Variants in C19orf47 observed in about 807,000 individuals in gnomAD.
C19orf47 encodes the protein chromosome 19 open reading frame 47.
A neutral mutation model predicts 32.3 loss-of-function variants in C19orf47; 18 were observed. The ratio of observed to expected loss-of-function variants is 0.56; its 90% confidence interval spans 0.39 to 0.83. C19orf47 has a LOEUF of 0.83. Among genes scored for constraint, C19orf47 ranks in the 40% least tolerant of loss-of-function variants. The pLI, the probability that C19orf47 is intolerant of heterozygous loss-of-function variation, is 0.00. For synonymous variants in C19orf47, 202 were observed against 211.1 expected (o/e 0.96, Z 0.37); for missense variants, 484 against 531.6 (o/e 0.91, Z 0.88).
At chr19:40,326,542 A>T in intron 6 of C19orf47, 56 bp from the exon 7 acceptor site, 1 of 1,580,342 alleles carries the variant, frequency 6.3e-7, no homozygotes, top group South Asian at 1.1e-5. Context: ...TTCTCCCAGG[A>T]TGGAAGCTGG....
At chr19:40,336,272 G>T (rs1568620309) in intron 3 of C19orf47, 48 bp from the exon 4 acceptor site, 1 of 1,613,606 alleles carries the variant, frequency 6.2e-7, no homozygotes, top group Non-Finnish European at 8.5e-7. Context: ...CAGAGTGGGT[G>T]GGCCAGCCAG....
chr19:40,294,843 T>C, the C19orf47 span, among the ~76,000 whole-genome samples: 3 of 152,186 alleles, frequency 2.0e-5, no homozygotes, highest in African/African-American at 7.2e-5. Context: ...GAGAGTTTGG[T>C]CCCAATAACT....
At chr19:40,300,237 C>T in the C19orf47 span, among the ~76,000 whole-genome samples, 1 of 151,918 alleles carries the variant, frequency 6.6e-6, no homozygotes, top group South Asian at 2.1e-4. Context: ...GAGGCCAGGG[C>T]AGGTGGATCA....
Position 40,328,553 on chromosome 19 carries a change from G to A in C19orf47, c.302-3C>T, listed in dbSNP as rs781275707. 1.2e-6 allele frequency: 2 copies of A among 1,603,496 alleles called. No individual in the cohort carries two copies. The highest frequency in any genetic ancestry group is 1.7e-6 in the Non-Finnish European group (2 of 1,175,904). ...GTTGGTGATCATTCGGGAGGCAGCT[G>A]TGGGGAGAAAAGGAGAGTCCGGTCG... On this transcript the variant is annotated splice_polypyrimidine_tract_variant and splice_region_variant and intron_variant, in intron 5 of 8. Coordinates refer to ENST00000683109, the MANE Select transcript of C19orf47 (RefSeq NM_001256441.2).
chr19:40,323,921 G>T (rs757946868), intron 8 of C19orf47, 85 bp downstream of exon 8: 35 of 1,534,710 alleles, frequency 2.3e-5, no homozygotes, highest in Non-Finnish European at 2.8e-5. Flanking sequence ...GCCGAGTGAG[G>T]TTGAGATGTG....
chr19:40,337,109 C>T (rs1296677688), intron 2 of C19orf47, among the ~76,000 whole-genome samples: 1 of 152,058 alleles, frequency 6.6e-6, no homozygotes, highest in African/African-American at 2.4e-5. Context: ...AGGACAGGTC[C>T]TGTCCTACAC....
At chr19:40,328,098 C>T (rs904133432) in intron 6 of C19orf47, among the ~76,000 whole-genome samples, 4 of 152,010 alleles carry the variant, frequency 2.6e-5, no homozygotes, top group African/African-American at 4.8e-5. Context: ...GTAGGGGGCT[C>T]GGTGAAGACC....
the C19orf47 span, among the ~76,000 whole-genome samples, chr19:40,304,678 T>A: frequency 6.6e-6 from 1 of 152,146 alleles, no homozygotes; most frequent in Admixed American, 6.6e-5. Flanking sequence ...TTGAATCTCA[T>A]ATATTGTGGG....
At chr19:40,346,982 C>G (rs1360226853) in intron 1 of C19orf47, among the ~76,000 whole-genome samples, 1 of 152,106 alleles carries the variant, frequency 6.6e-6, no homozygotes, top group Non-Finnish European at 1.5e-5. Flanking sequence ...CAGTCACTGA[C>G]TTAATGCTAG....
chr19:40,305,163 C>T, the C19orf47 span, among the ~76,000 whole-genome samples: 6 of 151,940 alleles, frequency 3.9e-5, no homozygotes, highest in Non-Finnish European at 8.8e-5. Flanking sequence ...GCCAACATAG[C>T]GAAATCCCAT....
chr19:40,295,223 T>C, the C19orf47 span, among the ~76,000 whole-genome samples: 2 of 152,070 alleles, frequency 1.3e-5, no homozygotes, highest in Admixed American at 1.3e-4. Flanking sequence ...GGTTTTACCA[T>C]GTTGGCCAGG....
At chr19:40,296,519 CA>C in the C19orf47 span, among the ~76,000 whole-genome samples, 2 of 151,748 alleles carry the variant, frequency 1.3e-5, no homozygotes, top group Admixed American at 6.6e-5. Context: ...TGACCTCAAG[CA>C]ATCTGCCTGC....
At chr19:40,344,871 G>A (rs1255951367) in intron 1 of C19orf47, among the ~76,000 whole-genome samples, 1 of 152,186 alleles carries the variant, frequency 6.6e-6, no homozygotes, top group Non-Finnish European at 1.5e-5. Flanking sequence ...AGTTACAGAT[G>A]AGAATGGCAG....
At chr19:40,296,064 A>G in the C19orf47 span, among the ~76,000 whole-genome samples, 1 of 152,094 alleles carries the variant, frequency 6.6e-6, no homozygotes, top group Non-Finnish European at 1.5e-5. Context: ...TAAATTAAAT[A>G]CAGTCACGTG....
intron 6 of C19orf47, 28 bp from the exon 7 acceptor site, chr19:40,326,514 A>C: frequency 6.2e-7 from 1 of 1,603,492 alleles, no homozygotes; most frequent in South Asian, 1.1e-5. Context: ...GGGTATCAGC[A>C]CTCTCTGAGA....
downstream of C19orf47, among the ~76,000 whole-genome samples, chr19:40,315,487 A>G (rs377586051): frequency 7.2e-5 from 11 of 152,288 alleles, no homozygotes; most frequent in African/African-American, 2.2e-4. Flanking sequence ...CTCTACAAGA[A>G]AAAAAACAAC....
chr19:40,326,422 A>G lies in C19orf47; in HGVS notation c.504T>C (p.Ala168=). ...TGATGACGTACTTCCCCTCCATCTCAGCAGTGACCCGGCGCCGCTTGGCAG... is the reference window on the plus strand; with the variant it reads ...TGATGACGTACTTCCCCTCCATCTCGGCAGTGACCCGGCGCCGCTTGGCAG... ...AVPAKRRRVT[A]EMEGKYVINM... Residue 168 remains alanine, a synonymous_variant, in exon 7 of 9, where the codon GCT becomes GCC. Transcript: ENST00000683109. 2 of 1,614,128 alleles carry G rather than the reference A, an allele frequency of 1.2e-6. No homozygotes were observed. Among genetic ancestry groups the G allele is most frequent in the Non-Finnish European group, 1.7e-6 (2 of 1,180,030 alleles).
At chr19:40,317,007 T>C (rs2077666669), downstream of C19orf47, among the ~76,000 whole-genome samples, 1 of 152,110 alleles carries the variant, frequency 6.6e-6, no homozygotes, top group South Asian at 2.1e-4. Context: ...TTGGTTAACA[T>C]TTGTAGTCTC....
chr19:40,314,828 CA>C (rs1296870546), downstream of C19orf47, among the ~76,000 whole-genome samples: 1 of 152,142 alleles, frequency 6.6e-6, no homozygotes, highest in Non-Finnish European at 1.5e-5. Flanking sequence ...TGAACAAAAA[CA>C]GTGGTGAATC....
Sources: gnomAD v4.1 joint callset for allele counts (sites outside exome capture counted in the v4.1 genomes callset) on GRCh38, gnomAD v4.1.1 for gene constraint, MANE v1.5 for transcripts, NCBI Gene and HGNC (gene_info 2026-07-23, HGNC 2026-07-21) for gene names.